Variants in PXMP2 observed in about 807,000 individuals in gnomAD.
The protein encoded by PXMP2 is 22 kDa peroxisomal membrane protein.
PXMP2 carries 13 observed loss-of-function variants against 20.2 expected under a neutral mutation model. The ratio of observed to expected loss-of-function variants is 0.64; its 90% CI spans 0.42 to 1.02. The LOEUF (loss-of-function observed/expected upper bound fraction) is 1.02. Ranked by LOEUF, PXMP2 falls within the 50% of genes least tolerant of loss-of-function variation. The probability of loss-of-function intolerance (pLI) is 0.00; values close to 1 mark genes in which losing one functional copy is unlikely to be tolerated. For synonymous variants in PXMP2, 113 were observed against 111.2 expected, an observed-to-expected ratio of 1.02 and a Z score of -0.10; for missense variants, 284 against 251.8, an observed-to-expected ratio of 1.13 and a Z score of -0.87.
intron 2 of PXMP2, among the ~76,000 whole-genome samples, chr12:132,691,425 A>T (rs2043366227): frequency 6.6e-6 from 1 of 152,202 alleles, no homozygotes; most frequent in South Asian, 2.1e-4. Flanking sequence ...TTTCTGAACC[A>T]CTTTCTGAGT....
chr12:132,700,100 G>T (rs1184878691), intron 3 of PXMP2, among the ~76,000 whole-genome samples: 1 of 150,250 alleles, frequency 6.7e-6, no homozygotes, highest in Non-Finnish European at 1.5e-5. Flanking sequence ...GGAGTGCAGT[G>T]GCACGATCTC....
intron 4 of PXMP2, 149 bp from the exon 5 acceptor site, chr12:132,704,470 C>A (rs1026729234): frequency 4.8e-5 from 25 of 522,804 alleles, no homozygotes; most frequent in Non-Finnish European, 7.6e-5. Context: ...GCGTTTGGTA[C>A]GAACAAAGGC....
chr12:132,692,477 GTTAA>G (rs1170708579), intron 2 of PXMP2, among the ~76,000 whole-genome samples: 1 of 98,398 alleles, frequency 1.0e-5, no homozygotes, highest in African/African-American at 3.4e-5. Flanking sequence ...TCCCTTGCCA[GTTAA>G]TTAGTGAGCT....
At chr12:132,702,048 C>T (rs7131963) in intron 4 of PXMP2, among the ~76,000 whole-genome samples, 68,982 of 152,112 alleles carry the variant, frequency 0.45, 17,282 homozygotes, top group Non-Finnish European at 0.57. Flanking sequence ...TGAGATTGTG[C>T]CACTGCACTC....
chr12:132,704,244 G>A (rs546106271), intron 4 of PXMP2, among the ~76,000 whole-genome samples: 12 of 152,204 alleles, frequency 7.9e-5, no homozygotes, highest in East Asian at 1.9e-4. Flanking sequence ...GGGCCCCTCC[G>A]CTGTTCGTCA....
chr12:132,692,522 G>C, intron 2 of PXMP2, among the ~76,000 whole-genome samples: 1 of 48,086 alleles, frequency 2.1e-5, no homozygotes, highest in South Asian at 5.8e-4. Context: ...GAGCTCCCTT[G>C]CCAGTTAGTT....
intron 2 of PXMP2, among the ~76,000 whole-genome samples, chr12:132,694,786 TAGTG>T (rs1291388557): frequency 7.1e-6 from 1 of 141,792 alleles, no homozygotes; most frequent in Non-Finnish European, 1.5e-5. Context: ...GCCAGTTAGT[TAGTG>T]AGCGCCCTTG....
At position 132,696,569 on chromosome 12, in the gene PXMP2, G is replaced by A. The variant is rs890245280; in HGVS notation, c.399+523G>A. On this transcript the variant is annotated intron_variant, in intron 3 of 4. Coordinates refer to ENST00000317479, the MANE Select transcript of PXMP2 (RefSeq NM_018663.3). This position sits in a 1 kb window ranked among gnomAD's most constrained non-coding sequence, Gnocchi z 4.4. ...TCCCAGCACTTTGGGAGGGCGAGGCGGGTGGATCACCTGAGGTCAGGAGTT... is the reference window on the plus strand; with the variant it reads ...TCCCAGCACTTTGGGAGGGCGAGGCAGGTGGATCACCTGAGGTCAGGAGTT... 4.6e-5 allele frequency among the ~76,000 whole-genome samples: 7 copies of A among 151,736 alleles called. No homozygotes were observed. Among genetic ancestry groups the A allele is most frequent in the Admixed American group, 1.3e-4 (2 of 15,242 alleles).
At position 132,701,331 on chromosome 12, in the gene PXMP2, C is replaced by T; in HGVS notation, c.481C>T (p.Pro161Ser). 6.2e-7 allele frequency: 1 copy of T among 1,613,000 alleles called. No individual in the cohort carries two copies. Among genetic ancestry groups the T allele is most frequent in the Non-Finnish European group, 8.5e-7 (1 of 1,179,786 alleles). ...ALRMNWRVWT[P>S]LQFININYVP... ...GAGGATGAACTGGCGGGTGTGGACGCCACTACAGTTCATCAACATCAACTA... is the reference window on the plus strand; with the variant it reads ...GAGGATGAACTGGCGGGTGTGGACGTCACTACAGTTCATCAACATCAACTA... Residue 161 changes from proline (P) to serine (S), a missense_variant, in exon 4 of 5, where the codon CCA becomes TCA. Pro to Ser is a moderately conservative substitution (Grantham distance 74). Coordinates refer to ENST00000317479, the MANE Select transcript of PXMP2 (RefSeq NM_018663.3).
intron 3 of PXMP2, among the ~76,000 whole-genome samples, 193 bp from the exon 4 acceptor site, chr12:132,701,057 C>T (rs1176909980): frequency 6.6e-6 from 1 of 152,182 alleles, no homozygotes; most frequent in African/African-American, 2.4e-5. Flanking sequence ...TGTCTGGCAT[C>T]TCACTGATCA....
intron 1 of PXMP2, 58 bp downstream of exon 1, chr12:132,687,850 C>T (rs2043317024): frequency 9.0e-7 from 1 of 1,110,540 alleles, no homozygotes. Context: ...CGCAGCGGCG[C>T]GGGGCCTGGA....
chr12:132,693,918 G>T (rs867331358), intron 2 of PXMP2, among the ~76,000 whole-genome samples: 6 of 65,380 alleles, frequency 9.2e-5, no homozygotes, highest in East Asian at 3.7e-4. Context: ...GTTAGTGAGC[G>T]CCCTTGCCAG....
At position 132,701,284 on chromosome 12, in the gene PXMP2, G is replaced by C. The variant is rs141115887; in HGVS notation, c.434G>C (p.Arg145Thr). 1 of 1,611,712 alleles carries C rather than the reference G, an allele frequency of 6.2e-7. No homozygotes were observed. The highest frequency in any genetic ancestry group is 8.5e-7 in the Non-Finnish European group (1 of 1,179,232). Residue 145 changes from arginine (R) to threonine (T), a missense_variant, in exon 4 of 5, where the codon AGG becomes ACG. Arg to Thr is a moderately conservative substitution (Grantham distance 71). Coordinates refer to ENST00000317479, the MANE Select transcript of PXMP2 (RefSeq NM_018663.3). ...GCCTCAGCCTTCGCCGCCAAGATGA[G>C]GGGGGGCTTCTGGCCGGCGCTGAGG... is the stretch of plus-strand genomic sequence containing the variant. Reference protein sequence around the residue: ...KDASAFAAKMRGGFWPALRMN... With the variant: ...KDASAFAAKMTGGFWPALRMN...
rs1249531202 is a variant in PXMP2 at position 132,692,971 on chromosome 12, AGCCAGTTAGTGAGCTCCCTT to A, written c.236+2610_236+2629del. On this transcript the variant is annotated intron_variant, in intron 2 of 4. Transcript: ENST00000317479. ...TGCCAGTTAGTTAGTGAGCTCCCTT[AGCCAGTTAGTGAGCTCCCTT>A]GCCAGTTAGTGAGCGCCCTTGCCAG... 3.0e-4 allele frequency among the ~76,000 whole-genome samples: 25 copies of A among 83,254 alleles called. 4 individuals are homozygous for A. Among genetic ancestry groups the A allele is most frequent in the Non-Finnish European group, 6.6e-4 (24 of 36,398 alleles). The allele number at this position is 83,254 out of a possible 152,430, so 54.6% of individuals were successfully genotyped here.
chr12:132,694,122 T>C (rs2043392383), intron 2 of PXMP2, among the ~76,000 whole-genome samples: 1 of 131,490 alleles, frequency 7.6e-6, no homozygotes, highest in Admixed American at 7.2e-5. Context: ...TGCCAGTTAG[T>C]TAGTGAGCGC....
intron 2 of PXMP2, 140 bp downstream of exon 2, chr12:132,690,516 A>T: frequency 1.5e-6 from 1 of 653,296 alleles, no homozygotes; most frequent in Non-Finnish European, 2.6e-6. Flanking sequence ...ATGGGAAAAA[A>T]CTCGAATGGT....
chr12:132,688,112 G>A (rs2043322707), intron 1 of PXMP2: 2 of 205,596 alleles, frequency 9.7e-6, no homozygotes, highest in Admixed American at 1.2e-4. Context: ...AAGGGGAGCG[G>A]GTCCGCAGGC....
Position 132,704,688 on chromosome 12 carries a change from C to T in PXMP2, c.*1C>T, listed in dbSNP as rs143659699. Reference sequence around the variant, plus strand: ...CTACCTGGCCTCCTTGGGGAAGTGACGACCGCTGGGAGAACATCAGGTGCA... The same window carrying T: ...CTACCTGGCCTCCTTGGGGAAGTGATGACCGCTGGGAGAACATCAGGTGCA... On this transcript the variant is annotated 3_prime_UTR_variant, in exon 5 of 5. Transcript: ENST00000317479. The T allele has an allele frequency of 3.5e-4, 542 of 1,567,018 alleles. 3 individuals are homozygous for T. The African/African-American group carries it at 5.9e-3, about 17-fold the overall frequency.
Position 132,687,606 on chromosome 12 carries a change from G to T in PXMP2, c.-65G>T. Reference sequence around the variant, plus strand: ...GTCCCCACTCCGCTCTCGGCGCCTCGGGCTCCGCGCCCGGCCAGCCTGAGG... The same window carrying T: ...GTCCCCACTCCGCTCTCGGCGCCTCTGGCTCCGCGCCCGGCCAGCCTGAGG... On this transcript the variant is annotated 5_prime_UTR_variant, in exon 1 of 5. Transcript: ENST00000317479. The T allele has an allele frequency of 1.4e-5, 16 of 1,165,544 alleles. No individual in the cohort carries two copies. The highest frequency in any genetic ancestry group is 3.8e-5 in the East Asian group (1 of 26,040). 72.2% of individuals were successfully genotyped at this position (1,165,544 alleles called of 1,614,324 possible).
Sources: allele counts gnomAD v4.1 joint callset (sites outside exome capture counted in the v4.1 genomes callset), GRCh38; gene constraint gnomAD v4.1.1; non-coding constraint Gnocchi (gnomAD v3.1); transcripts MANE v1.5; gene names NCBI Gene and HGNC (gene_info 2026-07-23, HGNC 2026-07-21).